Variants in SCN11A observed in about 807,000 individuals in gnomAD.
SCN11A encodes the protein sodium channel protein type 11 subunit alpha.
Under a neutral mutation model 162.2 loss-of-function variants are expected in SCN11A, and 122 were observed. The observed-to-expected ratio is 0.75, with a 90% CI of 0.65 to 0.87. The LOEUF (loss-of-function observed/expected upper bound fraction) is 0.87, where lower values mean the gene tolerates loss of function less well. Ranked by LOEUF, SCN11A falls within the 40% of genes least tolerant of loss-of-function variation. The probability of loss-of-function intolerance (pLI) is 0.00; values close to 1 mark genes in which losing one functional copy is unlikely to be tolerated. For missense variants in SCN11A, 2,015 were observed against 2,181.6 expected, an observed-to-expected ratio of 0.92 and a Z score of 1.52; for synonymous variants, 758 against 751.5, an observed-to-expected ratio of 1.01 and a Z score of -0.14.
intron 28 of SCN11A, 140 bp from the exon 29 acceptor site, chr3:38,850,891 G>A: frequency 1.6e-6 from 1 of 619,644 alleles, no homozygotes. Flanking sequence ...CCTTTTCAAA[G>A]GGCAAGAAAT....
At chr3:38,868,344 G>A (rs1189022087) in intron 26 of SCN11A, among the ~76,000 whole-genome samples, 2 of 152,214 alleles carry the variant, frequency 1.3e-5, no homozygotes, top group Non-Finnish European at 2.9e-5. Flanking sequence ...CCTGACTTTA[G>A]TCCAAGTTTG....
intron 1 of SCN11A, among the ~76,000 whole-genome samples, chr3:39,036,739 G>C (rs2031913595): frequency 6.6e-6 from 1 of 152,188 alleles, no homozygotes; most frequent in African/African-American, 2.4e-5. Flanking sequence ...ATGAAAAGGT[G>C]CCCAACATCA....
intron 2 of SCN11A, among the ~76,000 whole-genome samples, chr3:39,028,891 TA>T (rs1319847096): frequency 6.6e-6 from 1 of 152,120 alleles, no homozygotes; most frequent in African/African-American, 2.4e-5. Context: ...AAACACTTCA[TA>T]AAGTTCCCAC....
chr3:38,966,039 T>C (rs1416441202), intron 2 of SCN11A, among the ~76,000 whole-genome samples: 6 of 152,046 alleles, frequency 3.9e-5, no homozygotes, highest in Non-Finnish European at 1.5e-5. Flanking sequence ...TTTGAAAAAA[T>C]ATATATCACT....
intron 2 of SCN11A, among the ~76,000 whole-genome samples, chr3:38,990,541 G>A (rs1012589799): frequency 1.3e-5 from 2 of 152,160 alleles, no homozygotes; most frequent in African/African-American, 4.8e-5. Context: ...GAGGAGGAGA[G>A]AGGAGCAAAG....
At position 38,870,746 on chromosome 3, in the gene SCN11A, T is replaced by C; in HGVS notation, c.3760-2A>G. ...ATCCATCCAGCCCTTAAATGTTGCCTGCAACAAAAGCAGAAAAACATGAAT... is the reference window on the plus strand; with the variant it reads ...ATCCATCCAGCCCTTAAATGTTGCCCGCAACAAAAGCAGAAAAACATGAAT... On this transcript the variant is annotated splice_acceptor_variant, in intron 25 of 29. Coordinates refer to ENST00000302328, the MANE Select transcript of SCN11A (RefSeq NM_001349253.2). LOFTEE classifies it high-confidence loss of function. The C allele has an allele frequency of 6.2e-7, 1 of 1,612,598 alleles. No homozygotes were observed. Among genetic ancestry groups the C allele is most frequent in the South Asian group, 1.1e-5 (1 of 91,022 alleles).
At chr3:39,050,775 T>C (rs1027855035) in intron 1 of SCN11A, among the ~76,000 whole-genome samples, 4 of 152,170 alleles carry the variant, frequency 2.6e-5, no homozygotes, top group African/African-American at 9.7e-5. Flanking sequence ...ATACAAAAAA[T>C]TATTAATGAG....
In SCN11A at chr3:38,871,847, C is replaced by A. The variant is rs964135079; in HGVS notation, c.3496-139G>T. The A allele has an allele frequency of 9.8e-6, 7 of 715,420 alleles. No individual in the cohort carries two copies. In the South Asian group the frequency reaches 1.2e-4, roughly 12 times the overall value. 44.3% of individuals were successfully genotyped at this position (715,420 alleles called of 1,614,324 possible). A position where few individuals can be genotyped will look rare whatever the true frequency, so the allele number is the denominator to read the frequency against. On this transcript the variant is annotated intron_variant, in intron 24 of 29. Transcript: ENST00000302328. ...TAATCTCCACATACATGTGCCCCAT[C>A]CCCATGACAAGCCCTGCTCTCAGCT... is the stretch of plus-strand genomic sequence containing the variant.
intron 2 of SCN11A, among the ~76,000 whole-genome samples, chr3:38,971,230 C>T (rs764092988): frequency 6.6e-6 from 1 of 151,992 alleles, no homozygotes; most frequent in Non-Finnish European, 1.5e-5. Context: ...TCATAGCTCC[C>T]CGCAGCCTTG....
intron 4 of SCN11A, among the ~76,000 whole-genome samples, chr3:38,951,012 G>A (rs902456438): frequency 2.6e-5 from 4 of 152,242 alleles, no homozygotes; most frequent in Non-Finnish European, 5.9e-5. Flanking sequence ...GCCCTCGCTC[G>A]CTCTAGGCGC....
Position 38,950,335 on chromosome 3 carries a change from A to G in SCN11A, c.28T>C (p.Phe10Leu). Residue 10 changes from phenylalanine (F) to leucine (L), a missense_variant, in exon 5 of 30, where the codon TTT becomes CTT. Physicochemically the swap from Phe to Leu is conservative, Grantham distance 22. Transcript: ENST00000302328. Reference protein sequence around the residue: MDDRCYPVIFPDERNFRPFT... With the variant: MDDRCYPVILPDERNFRPFT... ...GGGCGGAAATTCCGCTCATCTGGAAAGATTACTGGGTAGCATCTGTCATCC... is the reference window on the plus strand; with the variant it reads ...GGGCGGAAATTCCGCTCATCTGGAAGGATTACTGGGTAGCATCTGTCATCC... The G allele has an allele frequency of 6.2e-7, 1 of 1,613,970 alleles. No homozygotes were observed. Among genetic ancestry groups the G allele is most frequent in the South Asian group, 1.1e-5 (1 of 91,072 alleles).
intron 28 of SCN11A, among the ~76,000 whole-genome samples, chr3:38,859,472 A>T (rs563365689): frequency 6.6e-6 from 1 of 152,320 alleles, no homozygotes; most frequent in South Asian, 2.1e-4. Flanking sequence ...ATCAGGAAGA[A>T]ATAGAAACTC....
intron 2 of SCN11A, among the ~76,000 whole-genome samples, chr3:38,984,225 A>C (rs570865778): frequency 6.6e-6 from 1 of 152,286 alleles, no homozygotes; most frequent in Non-Finnish European, 1.5e-5. Context: ...GGGTGCCTCC[A>C]CTGAGGAAGG....
chr3:38,886,778 A>G (rs2065407695), intron 19 of SCN11A, among the ~76,000 whole-genome samples: 1 of 152,218 alleles, frequency 6.6e-6, no homozygotes. Flanking sequence ...AGACATAAAG[A>G]AAAATAATAA....
intron 1 of SCN11A, among the ~76,000 whole-genome samples, chr3:39,043,427 A>C (rs138385035): frequency 0.026 from 4,020 of 151,918 alleles, 191 homozygotes; most frequent in African/African-American, 0.092. Flanking sequence ...GTGTCCATCA[A>C]CAGATGAATG....
At chr3:39,027,060 G>A (rs926119324) in intron 2 of SCN11A, among the ~76,000 whole-genome samples, 6 of 152,026 alleles carry the variant, frequency 3.9e-5, no homozygotes, top group Admixed American at 6.5e-5. Flanking sequence ...AAGACTGCCT[G>A]ATGCCACTTC....
At chr3:39,002,439 G>A (rs1279999079) in intron 2 of SCN11A, among the ~76,000 whole-genome samples, 2 of 152,174 alleles carry the variant, frequency 1.3e-5, no homozygotes, top group Non-Finnish European at 2.9e-5. Flanking sequence ...AAGGCAAAAA[G>A]GAACAGGAAA....
At chr3:38,963,241 T>A (rs1008379938) in intron 2 of SCN11A, among the ~76,000 whole-genome samples, 5 of 148,798 alleles carry the variant, frequency 3.4e-5, no homozygotes, top group Non-Finnish European at 6.0e-5. Context: ...AAAAAAAAAA[T>A]AATCTGTACA....
Position 38,847,752 on chromosome 3 carries a change from A to G in SCN11A, c.4328-10T>C. 1 of 1,545,280 alleles carries G rather than the reference A, an allele frequency of 6.5e-7. No individual in the cohort carries two copies. Among genetic ancestry groups the G allele is most frequent in the Admixed American group, 1.8e-5 (1 of 54,824 alleles). ...GTAGAAATCATTGTACCTCAGGAGA[A>G]GGAGAAAAGTAAATAAGTTTCCAGA... On this transcript the variant is annotated splice_polypyrimidine_tract_variant and intron_variant, in intron 29 of 29. Coordinates refer to ENST00000302328, the MANE Select transcript of SCN11A (RefSeq NM_001349253.2).
Sources: allele counts gnomAD v4.1 joint callset (sites outside exome capture counted in the v4.1 genomes callset), GRCh38; gene constraint gnomAD v4.1.1; transcripts MANE v1.5; gene names NCBI Gene and HGNC (gene_info 2026-07-23, HGNC 2026-07-21).